Variants in TRHDE observed in about 807,000 individuals in gnomAD.
TRHDE encodes thyrotropin releasing hormone degrading enzyme, also known as thyrotropin-releasing hormone-degrading ectoenzyme.
In TRHDE, 72 loss-of-function variants were observed where a neutral mutation model predicts 125.7. That is an observed-to-expected ratio of 0.57 (90% CI 0.47 to 0.70). TRHDE has a LOEUF of 0.70. Ranked by LOEUF, TRHDE falls within the 30% of genes least tolerant of loss-of-function variation. The pLI, the probability that TRHDE is intolerant of heterozygous loss-of-function variation, is 0.00. For missense variants in TRHDE, 1,110 were observed against 1,327.1 expected (o/e 0.84, Z 2.54); for synonymous variants, 509 against 509.1 (o/e 1.00, Z 0.00).
At chr12:72,121,545 T>A (rs1298186438) in intron 2 of TRHDE, among the ~76,000 whole-genome samples, 1 of 152,104 alleles carries the variant, frequency 6.6e-6, no homozygotes, top group Non-Finnish European at 1.5e-5. Context: ...CTCTCTTTCC[T>A]CTAAGCACAG....
Position 72,504,289 on chromosome 12 carries a change from C to T in TRHDE, c.1722+4654C>T, listed in dbSNP as rs192596350. 2.0e-5 allele frequency among the ~76,000 whole-genome samples: 3 copies of T among 151,800 alleles called. No homozygotes were observed. The East Asian group carries it at 5.8e-4, about 30-fold the overall frequency. ...TGGATATGAACTTGGAAGACATTTC[C>T]TTTCTCACTAAGAAAATTTTTTTTT... On this transcript the variant is annotated intron_variant, in intron 6 of 18. Transcript: ENST00000261180.
intron 12 of TRHDE, among the ~76,000 whole-genome samples, chr12:72,606,117 T>C (rs1277886128): frequency 1.3e-5 from 2 of 152,170 alleles, no homozygotes; most frequent in Admixed American, 6.5e-5. Context: ...TTTAAACACA[T>C]GATTCAGAAT....
chr12:72,317,598 T>A (rs1277320735), intron 2 of TRHDE, among the ~76,000 whole-genome samples: 1 of 152,148 alleles, frequency 6.6e-6, no homozygotes, highest in African/African-American at 2.4e-5. Flanking sequence ...ATCCCATTCA[T>A]GAAGGCTCCC....
chr12:72,526,560 C>T (rs536667632), intron 6 of TRHDE, among the ~76,000 whole-genome samples: 8 of 152,110 alleles, frequency 5.3e-5, no homozygotes, highest in Non-Finnish European at 8.8e-5. Flanking sequence ...GATATTTTCT[C>T]AAATACTGTA....
rs1875058995 is a variant in TRHDE, at chr12:72,664,926, A to G, written c.*1731A>G. On this transcript the variant is annotated 3_prime_UTR_variant, in exon 19 of 19. Transcript: ENST00000261180. ...ATTAGTCATACCTAAATTTTTCAGC[A>G]CTTCATTCAATTAAAATACATGAAT... is the stretch of plus-strand genomic sequence containing the variant. The G allele has an allele frequency of 6.6e-6, 1 of 152,082 alleles. No individual in the cohort carries two copies. The highest frequency in any genetic ancestry group is 1.5e-5 in the Non-Finnish European group (1 of 67,980). 9.4% of individuals were successfully genotyped at this position (152,082 alleles called of 1,614,324 possible).
chr12:72,242,937 A>G lies in TRHDE; in HGVS notation n.280-135058A>G, dbSNP rs1878511092. Among the ~76,000 whole-genome samples, 3 of 152,192 alleles carry G rather than the reference A, an allele frequency of 2.0e-5. No homozygotes were observed. The South Asian group carries it at 6.2e-4, about 32-fold the overall frequency. On this transcript the variant is annotated intron_variant and non_coding_transcript_variant, in intron 2 of 4. Transcript: ENST00000548156. ...TGGCATTTAACTCAACTCTGGTTAA[A>G]GAGATATGAAGGAAATCCTATTGGG...
chr12:72,536,836 T>C (rs1868885647), intron 6 of TRHDE, among the ~76,000 whole-genome samples: 1 of 152,062 alleles, frequency 6.6e-6, no homozygotes, highest in African/African-American at 2.4e-5. Context: ...GGAATATGGG[T>C]CAGGCATTTC....
chr12:72,466,376 T>G (rs1237352371), intron 3 of TRHDE, among the ~76,000 whole-genome samples: 1 of 152,144 alleles, frequency 6.6e-6, no homozygotes, highest in Non-Finnish European at 1.5e-5. Context: ...GACTACAGCT[T>G]ATGGAATTGC....
chr12:72,464,895 G>A (rs999275854), intron 3 of TRHDE, among the ~76,000 whole-genome samples: 2 of 152,092 alleles, frequency 1.3e-5, no homozygotes, highest in Admixed American at 6.6e-5. Flanking sequence ...GTTAATTTAT[G>A]TTATCACATT....
intron 12 of TRHDE, among the ~76,000 whole-genome samples, chr12:72,596,650 T>C (rs541684028): frequency 6.6e-6 from 1 of 152,286 alleles, no homozygotes; most frequent in African/African-American, 2.4e-5. Context: ...GAGGTGGCAA[T>C]TGAAGATTTA....
At chr12:72,150,829 T>C (rs868344798) in intron 2 of TRHDE, among the ~76,000 whole-genome samples, 15 of 152,228 alleles carry the variant, frequency 9.9e-5, no homozygotes, top group African/African-American at 3.4e-4. Flanking sequence ...TCCAAGTCTT[T>C]GCTATTGTGA....
At chr12:72,177,173 A>C (rs1188836535) in intron 2 of TRHDE, among the ~76,000 whole-genome samples, 1 of 152,140 alleles carries the variant, frequency 6.6e-6, no homozygotes, top group African/African-American at 2.4e-5. Context: ...TATGATTGGA[A>C]TTTGGAAGGC....
In TRHDE at chr12:72,151,686, G is replaced by A. The variant is rs972644206; in HGVS notation, n.279+45934G>A. ...CCCATTGCTTGTTTTTCTCAGGTTTGTCAAAGATCAGATAGTTGTAGACAT... is the reference window on the plus strand; with the variant it reads ...CCCATTGCTTGTTTTTCTCAGGTTTATCAAAGATCAGATAGTTGTAGACAT... On this transcript the variant is annotated intron_variant and non_coding_transcript_variant, in intron 2 of 4. Transcript: ENST00000548156. 8.0e-3 allele frequency among the ~76,000 whole-genome samples: 1,215 copies of A among 152,184 alleles called. 17 individuals are homozygous for A. The highest frequency in any genetic ancestry group is 0.027 in the African/African-American group (1,138 of 41,502).
At chr12:72,414,852 G>A (rs760287607) in intron 3 of TRHDE, among the ~76,000 whole-genome samples, 8 of 152,014 alleles carry the variant, frequency 5.3e-5, no homozygotes, top group Non-Finnish European at 1.0e-4. Flanking sequence ...CAACATAGTC[G>A]TGATGGCAGT....
chr12:72,093,270 C>A (rs1874834465), intron 1 of TRHDE, among the ~76,000 whole-genome samples: 1 of 152,134 alleles, frequency 6.6e-6, no homozygotes, highest in Non-Finnish European at 1.5e-5. Context: ...TCCTTGACTT[C>A]TGACAATTTG....
intron 3 of TRHDE, among the ~76,000 whole-genome samples, chr12:72,437,452 T>C (rs962974369): frequency 1.3e-5 from 2 of 151,878 alleles, no homozygotes; most frequent in African/African-American, 4.8e-5. Flanking sequence ...TCTTCAGGAA[T>C]GAAGTAATTT....
At chr12:72,520,046 C>A (rs1208964359) in intron 6 of TRHDE, among the ~76,000 whole-genome samples, 1 of 152,202 alleles carries the variant, frequency 6.6e-6, no homozygotes, top group Non-Finnish European at 1.5e-5. Flanking sequence ...CTCTTCAAAG[C>A]TGTCAGACAG....
rs1872642474 is a variant in TRHDE, at chr12:72,611,785, A to T, written c.2322-7106A>T. The stretch of plus-strand genomic sequence containing the variant: ...CTTATGATGGTCATGCCAGTAAGAG[A>T]TAAAAAGGAGAGAAAATTTACCTCT... On this transcript the variant is annotated intron_variant, in intron 12 of 18. Transcript: ENST00000261180. Among the ~76,000 whole-genome samples the T allele has an allele frequency of 1.3e-5, 2 of 152,178 alleles. 1 individual carries two copies. Among genetic ancestry groups the T allele is most frequent in the South Asian group, 4.1e-4 (2 of 4,830 alleles).
At chr12:72,659,166 T>G (rs1874818919) in intron 18 of TRHDE, among the ~76,000 whole-genome samples, 1 of 152,212 alleles carries the variant, frequency 6.6e-6, no homozygotes, top group Non-Finnish European at 1.5e-5. Flanking sequence ...TTTAGGTGGA[T>G]TCAGTAAAGA....
Sources: gnomAD v4.1 joint callset for allele counts (sites outside exome capture counted in the v4.1 genomes callset) on GRCh38, gnomAD v4.1.1 for gene constraint, MANE v1.5 for transcripts, NCBI Gene and HGNC (gene_info 2026-07-23, HGNC 2026-07-21) for gene names.